Variants in PSTPIP2 observed in about 807,000 individuals in gnomAD.
PSTPIP2 encodes proline-serine-threonine phosphatase interacting protein 2.
Under a neutral mutation model 63.3 loss-of-function variants are expected in PSTPIP2, and 33 were observed. That is an observed-to-expected ratio of 0.52 (90% CI 0.40 to 0.70). The LOEUF (loss-of-function observed/expected upper bound fraction) is 0.70, where lower values mean the gene tolerates loss of function less well. Among genes scored for constraint, PSTPIP2 ranks in the 30% least tolerant of loss-of-function variants. The probability of loss-of-function intolerance (pLI) is 0.00; values close to 1 mark genes in which losing one functional copy is unlikely to be tolerated. For missense variants in PSTPIP2, 312 were observed against 400.7 expected (o/e 0.78, Z 1.89); for synonymous variants, 125 against 132.7 (o/e 0.94, Z 0.40).
At chr18:46,063,652 C>CAA (rs764661139) in intron 1 of PSTPIP2, among the ~76,000 whole-genome samples, 12 of 151,448 alleles carry the variant, frequency 7.9e-5, no homozygotes, top group Non-Finnish European at 1.3e-4. Context: ...TGTATATATA[C>CAA]AAAAATATAT....
chr18:45,999,727 C>T (rs2051642779), intron 6 of PSTPIP2, among the ~76,000 whole-genome samples, 193 bp from the exon 7 acceptor site: 1 of 152,150 alleles, frequency 6.6e-6, no homozygotes, highest in Admixed American at 6.5e-5. Context: ...CTCTCTCTAG[C>T]CCTTTTTCAA....
intron 1 of PSTPIP2, among the ~76,000 whole-genome samples, chr18:46,065,144 CA>C (rs35144990): frequency 0.42 from 34,326 of 81,460 alleles, 3,385 homozygotes; most frequent in Middle Eastern, 0.53. Context: ...AACTCTGTCT[CA>C]AAAAAAAAAA....
Position 46,030,413 on chromosome 18 carries a change from G to C in PSTPIP2, c.135-5727C>G, listed in dbSNP as rs112354960. On this transcript the variant is annotated intron_variant, in intron 2 of 14. Coordinates refer to ENST00000409746, the MANE Select transcript of PSTPIP2 (RefSeq NM_024430.4). The stretch of plus-strand genomic sequence containing the variant: ...ATGAAAACATTTTAACAATTTGTTT[G>C]TGTTTTTGACCATTTTTAGATGTTT... Among the ~76,000 whole-genome samples the C allele has an allele frequency of 6.8e-3, 1,031 of 152,066 alleles. 16 individuals are homozygous for C. The highest frequency in any genetic ancestry group is 0.03 in the Admixed American group (459 of 15,294).
chr18:46,049,165 A>G (rs1415198437), intron 1 of PSTPIP2, among the ~76,000 whole-genome samples: 1 of 152,108 alleles, frequency 6.6e-6, no homozygotes, highest in Non-Finnish European at 1.5e-5. Context: ...AAATTTCTTT[A>G]ATTAAAAACA....
At chr18:46,057,915 G>A (rs1459053487) in intron 1 of PSTPIP2, among the ~76,000 whole-genome samples, 1 of 150,790 alleles carries the variant, frequency 6.6e-6, no homozygotes, top group Non-Finnish European at 1.5e-5. Flanking sequence ...GGAGAATGGC[G>A]TGAACCCGGG....
At chr18:46,071,008 C>A (rs1432462687) in intron 1 of PSTPIP2, among the ~76,000 whole-genome samples, 1 of 152,154 alleles carries the variant, frequency 6.6e-6, no homozygotes. Flanking sequence ...GCAAGCCTCC[C>A]GTGAGAGCCA....
At chr18:45,995,537 A>G (rs2051585273) in intron 9 of PSTPIP2, among the ~76,000 whole-genome samples, 1 of 152,226 alleles carries the variant, frequency 6.6e-6, no homozygotes, top group Non-Finnish European at 1.5e-5. Flanking sequence ...AGTAAAGCAG[A>G]AAACAGTGTT....
At chr18:45,990,837 T>G in intron 12 of PSTPIP2, 81 bp from the exon 13 acceptor site, 1 of 1,215,808 alleles carries the variant, frequency 8.2e-7, no homozygotes. Flanking sequence ...ACAAGCCTAT[T>G]GTACTCTAAT....
intron 2 of PSTPIP2, chr18:46,029,830 G>C (rs1417566252): frequency 4.5e-6 from 2 of 440,110 alleles, no homozygotes; most frequent in Admixed American, 6.2e-5. Flanking sequence ...AAAGGGCAAG[G>C]CCGGCTGGGC....
At chr18:46,013,525 C>T (rs747553992) in intron 4 of PSTPIP2, among the ~76,000 whole-genome samples, 1 of 151,912 alleles carries the variant, frequency 6.6e-6, no homozygotes, top group Non-Finnish European at 1.5e-5. Context: ...AACCAAAGTG[C>T]CAGTGCCTCA....
chr18:46,053,451 G>A (rs1237234726), intron 1 of PSTPIP2, among the ~76,000 whole-genome samples: 1 of 152,156 alleles, frequency 6.6e-6, no homozygotes, highest in Non-Finnish European at 1.5e-5. Context: ...GTTCATCGAA[G>A]TCCAATGCCT....
intron 1 of PSTPIP2, among the ~76,000 whole-genome samples, chr18:46,069,819 T>C (rs542795530): frequency 6.6e-6 from 1 of 152,324 alleles, no homozygotes; most frequent in Non-Finnish European, 1.5e-5. Flanking sequence ...TCTATTTCTC[T>C]GTCCCCTTTC....
chr18:46,035,432 AGAAAAG>A (rs756584986), intron 2 of PSTPIP2, among the ~76,000 whole-genome samples: 36 of 143,534 alleles, frequency 2.5e-4, no homozygotes, highest in African/African-American at 9.5e-4. Context: ...AAAAAAAAAA[AGAAAAG>A]AGAGAGAGAG....
intron 4 of PSTPIP2, among the ~76,000 whole-genome samples, chr18:46,014,479 C>T (rs2051833366): frequency 6.6e-6 from 1 of 152,100 alleles, no homozygotes. Context: ...TTTGGGAGGC[C>T]AAGGCAGGAA....
chr18:45,989,615 A>G (rs1326675208), intron 13 of PSTPIP2: 1 of 152,492 alleles, frequency 6.6e-6, no homozygotes, highest in African/African-American at 2.4e-5. Context: ...TTGAACACCT[A>G]CTATGTACTC....
At chr18:46,020,822 T>G (rs1404849070) in intron 3 of PSTPIP2, among the ~76,000 whole-genome samples, 1 of 152,232 alleles carries the variant, frequency 6.6e-6, no homozygotes, top group Non-Finnish European at 1.5e-5. Flanking sequence ...GAAAACTGAC[T>G]GGCTTTTATC....
intron 10 of PSTPIP2, 35 bp from the exon 11 acceptor site, chr18:45,992,237 T>G (rs780237061): frequency 4.0e-6 from 6 of 1,509,488 alleles, no homozygotes; most frequent in Non-Finnish European, 5.4e-6. Context: ...GGTAGAGGTA[T>G]GTTGAGATCA....
At chr18:46,037,824 A>G (rs1246315740) in intron 2 of PSTPIP2, among the ~76,000 whole-genome samples, 1 of 152,242 alleles carries the variant, frequency 6.6e-6, no homozygotes, top group Non-Finnish European at 1.5e-5. Flanking sequence ...CAGAATTGGA[A>G]AACACAAGAC....
rs112465499 is a variant in PSTPIP2, at chr18:46,057,794, A to G, written c.33+14362T>C. 5.9e-3 allele frequency among the ~76,000 whole-genome samples: 903 copies of G among 152,028 alleles called. 17 individuals carry two copies. Among genetic ancestry groups the G allele is most frequent in the Admixed American group, 0.034 (523 of 15,272 alleles). On this transcript the variant is annotated intron_variant, in intron 1 of 14. Transcript: ENST00000409746. Reference sequence around the variant, plus strand: ...AGGCGGATCGTGAGGTCAGGAGATCAAGACCATCCTGGCTAACACGGTGAA... The same window carrying G: ...AGGCGGATCGTGAGGTCAGGAGATCGAGACCATCCTGGCTAACACGGTGAA...
Sources: gnomAD v4.1 joint callset for allele counts (sites outside exome capture counted in the v4.1 genomes callset) on GRCh38, gnomAD v4.1.1 for gene constraint, MANE v1.5 for transcripts, NCBI Gene and HGNC (gene_info 2026-07-23, HGNC 2026-07-21) for gene names.